Variants in CSMD1 observed in about 807,000 individuals in gnomAD.
CSMD1 encodes CUB and Sushi multiple domains 1, also known as CUB and sushi domain-containing protein 1.
A neutral mutation model predicts 417.5 loss-of-function variants in CSMD1; 213 were observed. The observed-to-expected ratio is 0.51, with a 90% CI of 0.46 to 0.57. CSMD1 has a LOEUF of 0.57. Among genes scored for constraint, CSMD1 ranks in the 20% least tolerant of loss-of-function variants. The probability of loss-of-function intolerance (pLI) is 0.00; values close to 1 mark genes in which losing one functional copy is unlikely to be tolerated. For missense variants in CSMD1, 6,923 were observed against 4,529.7 expected (o/e 1.53, Z -15.17); for synonymous variants, 2,862 against 1,736.8 (o/e 1.65, Z -16.11).
At chr8:3,687,548 G>A (rs1272024301) in intron 7 of CSMD1, among the ~76,000 whole-genome samples, 1 of 152,172 alleles carries the variant, frequency 6.6e-6, no homozygotes, top group Non-Finnish European at 1.5e-5. Context: ...TATTCTCTGT[G>A]TAAATGCTAT....
intron 8 of CSMD1, among the ~76,000 whole-genome samples, chr8:3,588,359 T>C (rs1051156777): frequency 2.0e-5 from 3 of 151,814 alleles, no homozygotes; most frequent in Admixed American, 2.0e-4. Context: ...AGAAAATAAA[T>C]AAAATGACAT....
chr8:4,548,306 A>T (rs1797720708), intron 2 of CSMD1, among the ~76,000 whole-genome samples: 1 of 152,154 alleles, frequency 6.6e-6, no homozygotes, highest in African/African-American at 2.4e-5. Context: ...GTCATGTATA[A>T]GTCTCATTTT....
chr8:4,794,905 C>G (rs1010797536), intron 1 of CSMD1, among the ~76,000 whole-genome samples: 2 of 151,862 alleles, frequency 1.3e-5, no homozygotes, highest in African/African-American at 2.4e-5. Flanking sequence ...GAAATTAAAT[C>G]AGGAGTTGGT....
chr8:3,524,234 CACAT>C lies in CSMD1; in HGVS notation c.1345-30512_1345-30509del, dbSNP rs1414196617. On this transcript the variant is annotated intron_variant, in intron 10 of 69. Transcript: ENST00000635120. ...CCCAGACAATATGCACACACATACA[CACAT>C]ACACACCCAGAGACATACACACAAG... Among the ~76,000 whole-genome samples the C allele has an allele frequency of 9.9e-5, 15 of 151,396 alleles. No homozygotes were observed. In the East Asian group the frequency reaches 1.8e-3, roughly 18 times the overall value.
chr8:4,351,949 A>ATT (rs33935906), intron 3 of CSMD1, among the ~76,000 whole-genome samples: 11,739 of 141,534 alleles, frequency 0.083, 1,178 homozygotes, highest in African/African-American at 0.23. Context: ...CCTTTATGCT[A>ATT]TTTTTTTTTT....
chr8:4,041,072 A>T (rs10866961), intron 3 of CSMD1, among the ~76,000 whole-genome samples: 1 of 139,604 alleles, frequency 7.2e-6, no homozygotes, highest in African/African-American at 2.7e-5. Flanking sequence ...GCTGGAGTGC[A>T]GTGGCGCGAT....
At chr8:4,427,499 AC>A in intron 2 of CSMD1, among the ~76,000 whole-genome samples, 1 of 151,944 alleles carries the variant, frequency 6.6e-6, no homozygotes, top group Admixed American at 6.6e-5. Flanking sequence ...ACACACACAC[AC>A]ACACACACAC....
intron 23 of CSMD1, among the ~76,000 whole-genome samples, chr8:3,338,418 G>C (rs1444532371): frequency 1.3e-5 from 2 of 152,222 alleles, no homozygotes; most frequent in Non-Finnish European, 1.5e-5. Flanking sequence ...ACACAGCTAA[G>C]TACAAGAAAG....
chr8:3,754,158 C>T, intron 5 of CSMD1, 116 bp from the exon 6 acceptor site: 1 of 602,820 alleles, frequency 1.7e-6, no homozygotes. Flanking sequence ...ATGCTTAAAA[C>T]AGAGGCCATG....
chr8:4,501,139 C>G (rs942089484), intron 2 of CSMD1, among the ~76,000 whole-genome samples: 4 of 151,990 alleles, frequency 2.6e-5, no homozygotes, highest in African/African-American at 9.7e-5. Flanking sequence ...ATAATGATAT[C>G]TCACATATAT....
At chr8:3,501,277 C>G (rs150261714) in intron 10 of CSMD1, among the ~76,000 whole-genome samples, 46 of 152,228 alleles carry the variant, frequency 3.0e-4, no homozygotes, top group African/African-American at 1.1e-3. Flanking sequence ...CACACATGCA[C>G]ACACATACAC....
chr8:3,530,864 A>T (rs1168809005), intron 10 of CSMD1, among the ~76,000 whole-genome samples: 2 of 143,204 alleles, frequency 1.4e-5, no homozygotes, highest in Non-Finnish European at 1.5e-5. Flanking sequence ...CCTTTTTCCT[A>T]TTTTTTTTTT....
chr8:4,334,493 G>A (rs1800050242), intron 3 of CSMD1, among the ~76,000 whole-genome samples: 1 of 152,056 alleles, frequency 6.6e-6, no homozygotes, highest in Non-Finnish European at 1.5e-5. Flanking sequence ...ATCGATTTTT[G>A]ACTTACCAGT....
At chr8:4,126,411 C>G (rs1044921313) in intron 3 of CSMD1, among the ~76,000 whole-genome samples, 1 of 152,184 alleles carries the variant, frequency 6.6e-6, no homozygotes, top group Non-Finnish European at 1.5e-5. Context: ...ACACCCATCA[C>G]AGGACAGCAC....
chr8:4,111,640 G>A (rs1428155560), intron 3 of CSMD1, among the ~76,000 whole-genome samples: 2 of 152,156 alleles, frequency 1.3e-5, no homozygotes, highest in Non-Finnish European at 2.9e-5. Flanking sequence ...GGAGTTAGAA[G>A]CCATTATCTT....
rs529529075 is a variant in CSMD1, at chr8:2,973,203, C to A, written c.8837G>T (p.Cys2946Phe). ...FKTKSLLRFS[C>F]EMGHQLRGSP... Reference sequence around the variant, plus strand: ...GCCCCTCAGCTGGTGCCCCATTTCACAGGAGAAGCGGAGAAGACTCTTTGT... The same window carrying A: ...GCCCCTCAGCTGGTGCCCCATTTCAAAGGAGAAGCGGAGAAGACTCTTTGT... Residue 2946 changes from cysteine to phenylalanine, a missense_variant, in exon 57 of 70, where the codon TGT becomes TTT. Coordinates refer to ENST00000635120, the MANE Select transcript of CSMD1 (RefSeq NM_033225.6). 3 of 1,613,892 alleles carry A rather than the reference C, an allele frequency of 1.9e-6. No homozygotes were observed.
At chr8:3,518,076 GATT>G (rs1797355914) in intron 10 of CSMD1, among the ~76,000 whole-genome samples, 1 of 151,824 alleles carries the variant, frequency 6.6e-6, no homozygotes, top group Admixed American at 6.6e-5. Flanking sequence ...TAGAAAATGT[GATT>G]ATAACTATAA....
chr8:3,825,539 G>A (rs991246956), intron 5 of CSMD1, among the ~76,000 whole-genome samples: 25 of 151,986 alleles, frequency 1.6e-4, no homozygotes, highest in Admixed American at 1.6e-3. Context: ...TGCAGGGGCA[G>A]GTTCAGGGGT....
At chr8:3,202,464 G>A (rs572359124) in intron 31 of CSMD1, among the ~76,000 whole-genome samples, 30 of 152,256 alleles carry the variant, frequency 2.0e-4, no homozygotes, top group African/African-American at 7.0e-4. Context: ...TCCTCCAAGT[G>A]AAACATAACT....
Sources: gnomAD v4.1 joint callset for allele counts (sites outside exome capture counted in the v4.1 genomes callset) on GRCh38, gnomAD v4.1.1 for gene constraint, MANE v1.5 for transcripts, NCBI Gene and HGNC (gene_info 2026-07-23, HGNC 2026-07-21) for gene names.